Variants in STK24 observed in about 807,000 individuals in gnomAD.
The protein encoded by STK24 is serine/threonine kinase 24, also known as serine/threonine-protein kinase 24.
A neutral mutation model predicts 55.6 loss-of-function variants in STK24; 21 were observed. The ratio of observed to expected loss-of-function variants is 0.38; its 90% CI spans 0.27 to 0.54. The LOEUF (loss-of-function observed/expected upper bound fraction) is 0.54. Among genes scored for constraint, STK24 ranks in the 20% least tolerant of loss-of-function variants. The probability of loss-of-function intolerance (pLI) is 0.79; values close to 1 mark genes in which losing one functional copy is unlikely to be tolerated. For missense variants in STK24, 383 were observed against 538.4 expected, an observed-to-expected ratio of 0.71 and a Z score of 2.86; for synonymous variants, 200 against 215.2, an observed-to-expected ratio of 0.93 and a Z score of 0.62.
chr13:98,521,587 G>A (rs1394831994), intron 1 of STK24, among the ~76,000 whole-genome samples: 1 of 152,012 alleles, frequency 6.6e-6, no homozygotes, highest in Non-Finnish European at 1.5e-5. Flanking sequence ...TGCCCGGGTG[G>A]GTACCTCCCA....
intron 1 of STK24, among the ~76,000 whole-genome samples, chr13:98,541,811 A>C (rs893194446): frequency 4.6e-5 from 7 of 152,232 alleles, no homozygotes; most frequent in African/African-American, 1.2e-4. Context: ...CTGCACATCT[A>C]AACAGCACGC....
intron 1 of STK24, among the ~76,000 whole-genome samples, chr13:98,557,833 G>A (rs1434171195): frequency 3.3e-5 from 5 of 152,082 alleles, no homozygotes; most frequent in East Asian, 1.9e-4. Context: ...CCTTAAGTCC[G>A]GCAGAATTGG....
chr13:98,479,395 G>A (rs1263589701), intron 3 of STK24, among the ~76,000 whole-genome samples: 2 of 151,962 alleles, frequency 1.3e-5, no homozygotes, highest in Admixed American at 1.3e-4. Context: ...TAATAATACT[G>A]TCTCTAGTCT....
intron 1 of STK24, among the ~76,000 whole-genome samples, chr13:98,550,781 C>A (rs1025217280): frequency 6.6e-6 from 1 of 152,134 alleles, no homozygotes; most frequent in Non-Finnish European, 1.5e-5. Context: ...GTTCCAGATG[C>A]CCAATTCTAA....
At chr13:98,516,505 A>T (rs1896065046) in intron 2 of STK24, among the ~76,000 whole-genome samples, 1 of 152,204 alleles carries the variant, frequency 6.6e-6, no homozygotes, top group African/African-American at 2.4e-5. Context: ...CCCACGAAGC[A>T]CACTATTCAA....
chr13:98,522,044 C>T, intron 1 of STK24: 1 of 1,408,542 alleles, frequency 7.1e-7, no homozygotes. Context: ...CCTTCAAAGT[C>T]ATCTGGACCT....
intron 3 of STK24, among the ~76,000 whole-genome samples, chr13:98,479,085 C>T (rs1362440549): frequency 6.6e-6 from 1 of 152,174 alleles, no homozygotes; most frequent in Non-Finnish European, 1.5e-5. Context: ...TGGTTTCCCT[C>T]CCCGGGCTAC....
chr13:98,542,762 G>A, intron 1 of STK24: 1 of 908,294 alleles, frequency 1.1e-6, no homozygotes, highest in Non-Finnish European at 1.3e-6. Flanking sequence ...GCCCTAGAAA[G>A]GCTGATGGTG....
intron 1 of STK24, among the ~76,000 whole-genome samples, chr13:98,556,346 G>C (rs1465803870): frequency 6.6e-6 from 1 of 152,318 alleles, no homozygotes; most frequent in Admixed American, 6.5e-5. Flanking sequence ...TGGGTGCTGC[G>C]GGCAGCCGCC....
chr13:98,449,142 C>CA lies in STK24; in HGVS notation c.*4030dup, dbSNP rs1893057102. 6.6e-6 allele frequency: 1 copy of CA among 152,168 alleles called. No individual in the cohort carries two copies. Among genetic ancestry groups the CA allele is most frequent in the South Asian group, 2.1e-4 (1 of 4,828 alleles). 9.4% of individuals were successfully genotyped at this position (152,168 alleles called of 1,614,324 possible). On this transcript the variant is annotated 3_prime_UTR_variant, in exon 11 of 11. Coordinates refer to ENST00000539966, the MANE Select transcript of STK24 (RefSeq NM_001032296.4). ...GTCACAAGCATGAAAACCCGTGTGT[C>CA]ATTGATCAGCACCATTTGTGGTATG...
Position 98,461,964 on chromosome 13 carries a change from CA to C in STK24, c.930-68del, listed in dbSNP as rs1040109364. On this transcript the variant is annotated intron_variant, in intron 7 of 10. Coordinates refer to ENST00000539966, the MANE Select transcript of STK24 (RefSeq NM_001032296.4). ...CCTGCTCTGGGGGCGCTGGGACGTT[CA>C]GGGGGAGGCCGCCTGGGGACCTCTA... 2.9e-5 allele frequency: 46 copies of C among 1,591,442 alleles called. No individual in the cohort carries two copies. In the Admixed American group the frequency reaches 5.9e-4, roughly 20 times the overall value.
chr13:98,552,778 A>G (rs1469186774), intron 1 of STK24, among the ~76,000 whole-genome samples: 1 of 152,098 alleles, frequency 6.6e-6, no homozygotes, highest in Non-Finnish European at 1.5e-5. Flanking sequence ...CAAGGGGAAG[A>G]TGGCATCTGC....
In STK24 at chr13:98,448,178, A is replaced by G. The variant is rs1028821828; in HGVS notation, c.*4995T>C. ...TGTGTTTCTGTAAGCGATGCCCACC[A>G]AAGTGTCAGGAGTCCGTCCAAACAA... On this transcript the variant is annotated 3_prime_UTR_variant, in exon 11 of 11. Transcript: ENST00000539966. 5.6e-6 allele frequency: 8 copies of G among 1,431,570 alleles called. No homozygotes were observed. Among genetic ancestry groups the G allele is most frequent in the Admixed American group, 5.0e-5 (3 of 59,722 alleles). The allele number at this position is 1,431,570 out of a possible 1,614,324, so 88.7% of individuals were successfully genotyped here. A position where few individuals can be genotyped will look rare whatever the true frequency, so the allele number is the denominator to read the frequency against.
intron 2 of STK24, among the ~76,000 whole-genome samples, chr13:98,483,580 G>T (rs1594598640): frequency 1.3e-5 from 2 of 152,038 alleles, no homozygotes; most frequent in South Asian, 2.1e-4. Context: ...TTTTGCTTTT[G>T]GAGGTTCCGC....
At chr13:98,514,268 G>A (rs945622077) in intron 2 of STK24, among the ~76,000 whole-genome samples, 1 of 152,166 alleles carries the variant, frequency 6.6e-6, no homozygotes, top group African/African-American at 2.4e-5. Context: ...TGGAGACGCT[G>A]GCCACTTCTA....
intron 10 of STK24, chr13:98,456,542 T>C (rs770399364): frequency 5.9e-6 from 3 of 511,246 alleles, no homozygotes; most frequent in East Asian, 1.2e-4. Flanking sequence ...CAGGAGGGGC[T>C]TGGTTCCCAT....
Position 98,477,158 on chromosome 13 carries a change from T to C in STK24, c.331-1800A>G, listed in dbSNP as rs182079810. 9.8e-5 allele frequency among the ~76,000 whole-genome samples: 15 copies of C among 152,340 alleles called. No individual in the cohort carries two copies. The East Asian group carries it at 2.5e-3, about 25-fold the overall frequency. On this transcript the variant is annotated intron_variant, in intron 3 of 10. Transcript: ENST00000539966. ...TATAAGAAATGCATATCAAAACTAC[T>C]ATTCTAAAGAACACAATCAGGAAAA...
chr13:98,547,767 C>T (rs1052688689), intron 1 of STK24, among the ~76,000 whole-genome samples: 3 of 152,170 alleles, frequency 2.0e-5, no homozygotes, highest in Admixed American at 6.5e-5. Context: ...GTAAACTTCG[C>T]CTTATTACCA....
intron 10 of STK24, chr13:98,456,577 G>A (rs1180593224): frequency 4.1e-6 from 2 of 492,060 alleles, no homozygotes; most frequent in African/African-American, 2.0e-5. Flanking sequence ...CAAGTTGGGA[G>A]GGGGCAGGGA....
Sources: gnomAD v4.1 joint callset for allele counts (sites outside exome capture counted in the v4.1 genomes callset) on GRCh38, gnomAD v4.1.1 for gene constraint, MANE v1.5 for transcripts, NCBI Gene and HGNC (gene_info 2026-07-23, HGNC 2026-07-21) for gene names.